Variants in ADCY9 observed in about 807,000 individuals in gnomAD.
ADCY9 encodes adenylate cyclase type 9.
A neutral mutation model predicts 101.5 loss-of-function variants in ADCY9; 50 were observed. The ratio of observed to expected loss-of-function variants is 0.49; its 90% CI spans 0.39 to 0.62. ADCY9 has a LOEUF of 0.62. ADCY9 is among the 20% of genes least tolerant of loss of function. The pLI is 0.00. For synonymous variants in ADCY9, 905 were observed against 769.3 expected, an observed-to-expected ratio of 1.18 and a Z score of -2.92; for missense variants, 1,662 against 1,800.4, an observed-to-expected ratio of 0.92 and a Z score of 1.39.
chr16:3,989,291 A>C (rs970007711), intron 5 of ADCY9, among the ~76,000 whole-genome samples, 195 bp from the exon 6 acceptor site: 4 of 152,180 alleles, frequency 2.6e-5, no homozygotes, highest in African/African-American at 9.6e-5. Flanking sequence ...CGCACCTCAA[A>C]GCATAATCAT....
chr16:3,959,539 A>C (rs1473924185), downstream of ADCY9, among the ~76,000 whole-genome samples: 6 of 152,178 alleles, frequency 3.9e-5, no homozygotes, highest in African/African-American at 1.4e-4. Context: ...GTAAATTAAA[A>C]AACCTAAGTA....
At chr16:4,102,578 A>AC (rs1197086819) in intron 2 of ADCY9, among the ~76,000 whole-genome samples, 1 of 152,138 alleles carries the variant, frequency 6.6e-6, no homozygotes, top group Admixed American at 6.6e-5. Flanking sequence ...GGCATGTGCC[A>AC]CCATGCCTGG....
intron 2 of ADCY9, among the ~76,000 whole-genome samples, chr16:4,107,352 A>T (rs1361316168): frequency 6.6e-6 from 1 of 151,986 alleles, no homozygotes; most frequent in Non-Finnish European, 1.5e-5. Flanking sequence ...GGAGTTCAAG[A>T]CCGGCCTGGC....
At chr16:4,055,851 C>A (rs957106804) in intron 2 of ADCY9, among the ~76,000 whole-genome samples, 3 of 151,974 alleles carry the variant, frequency 2.0e-5, no homozygotes, top group African/African-American at 7.2e-5. Context: ...AAAAAAGATA[C>A]CTTTTGGGAA....
rs535472005 is a variant in ADCY9, at chr16:4,100,130, T to C, written c.1693+13620A>G. Among the ~76,000 whole-genome samples, 5 of 152,130 alleles carry C rather than the reference T, an allele frequency of 3.3e-5. No individual in the cohort carries two copies. The East Asian group carries it at 7.7e-4, about 24-fold the overall frequency. ...AGAGTGAGGGAGTTCTCACGAGACC[T>C]GATGGTTTAAAAGTGGCAGTTCCCC... On this transcript the variant is annotated intron_variant, in intron 2 of 10. Transcript: ENST00000294016.
At chr16:4,048,073 C>G (rs9936342) in intron 2 of ADCY9, among the ~76,000 whole-genome samples, 20,190 of 142,092 alleles carry the variant, frequency 0.14, 1,727 homozygotes, top group African/African-American at 0.25. Flanking sequence ...AAAACAGGTC[C>G]TAGTCTGGGA....
downstream of ADCY9, among the ~76,000 whole-genome samples, chr16:3,961,307 G>GGCAT (rs1297362544): frequency 6.6e-6 from 1 of 151,968 alleles, no homozygotes; most frequent in African/African-American, 2.4e-5. Context: ...AAATTAGCTG[G>GGCAT]GCATGGTGTT....
At chr16:4,093,901 G>A (rs1300482261) in intron 2 of ADCY9, among the ~76,000 whole-genome samples, 1 of 152,204 alleles carries the variant, frequency 6.6e-6, no homozygotes, top group African/African-American at 2.4e-5. Context: ...AAGCCTTAGT[G>A]CGAACTGGAA....
intron 2 of ADCY9, among the ~76,000 whole-genome samples, chr16:4,057,038 G>GCCCCCCCCCCCCCCC (rs375745334): frequency 1.2e-5 from 1 of 83,514 alleles, no homozygotes; most frequent in East Asian, 4.2e-4. Context: ...TGATGAAACC[G>GCCCCCCCCCCCCCCC]CCCCCCCCCC....
At chr16:4,019,356 G>C (rs1381918598) in intron 2 of ADCY9, among the ~76,000 whole-genome samples, 1 of 152,084 alleles carries the variant, frequency 6.6e-6, no homozygotes, top group African/African-American at 2.4e-5. Context: ...CTGCCACCCA[G>C]GGATGTCCCA....
intron 6 of ADCY9, among the ~76,000 whole-genome samples, chr16:3,987,926 T>C (rs1438459995): frequency 1.3e-5 from 2 of 152,108 alleles, no homozygotes; most frequent in African/African-American, 4.8e-5. Flanking sequence ...GGTTCTTGTA[T>C]TATTCCTTCC....
intron 2 of ADCY9, among the ~76,000 whole-genome samples, chr16:4,014,787 C>CTT (rs1208646227): frequency 6.6e-6 from 1 of 150,676 alleles, no homozygotes; most frequent in Non-Finnish European, 1.5e-5. Context: ...CATTCTCTCT[C>CTT]TCTCTCCCTC....
chr16:4,111,439 C>T (rs2057113366), intron 2 of ADCY9, among the ~76,000 whole-genome samples: 1 of 152,174 alleles, frequency 6.6e-6, no homozygotes, highest in South Asian at 2.1e-4. Flanking sequence ...GAGAAAACAT[C>T]TGCCACCAGC....
chr16:4,070,022 C>T lies in ADCY9; in HGVS notation c.1693+43728G>A, dbSNP rs567019796. 1.1e-4 allele frequency among the ~76,000 whole-genome samples: 16 copies of T among 152,232 alleles called. No homozygotes were observed. In the Middle Eastern group the frequency reaches 0.017, roughly 162 times the overall value. On this transcript the variant is annotated intron_variant, in intron 2 of 10. Transcript: ENST00000294016. Reference sequence around the variant, plus strand: ...GTGAGGCACAAGAATTGCTTGAACCCGGGAGGCAAAGGTTGCAGTGAGTTA... The same window carrying T: ...GTGAGGCACAAGAATTGCTTGAACCTGGGAGGCAAAGGTTGCAGTGAGTTA...
intron 7 of ADCY9, among the ~76,000 whole-genome samples, chr16:3,981,261 C>T (rs1022371840): frequency 1.3e-5 from 2 of 152,210 alleles, no homozygotes; most frequent in Admixed American, 6.5e-5. Context: ...GCAGTCTACA[C>T]CGGGGTTGCC....
At chr16:4,065,786 C>T (rs1254835029) in intron 2 of ADCY9, among the ~76,000 whole-genome samples, 1 of 152,224 alleles carries the variant, frequency 6.6e-6, no homozygotes, top group Non-Finnish European at 1.5e-5. Flanking sequence ...CCAGGCTGAT[C>T]TCGAACTCCT....
At position 4,041,755 on chromosome 16, in the gene ADCY9, G is replaced by GT. The variant is rs35300888; in HGVS notation, c.1694-34198dup. Among the ~76,000 whole-genome samples, 742 of 135,908 alleles carry GT rather than the reference G, an allele frequency of 5.5e-3. 7 individuals are homozygous for GT. Among genetic ancestry groups the GT allele is most frequent in the African/African-American group, 0.012 (431 of 37,298 alleles). The allele number at this position is 135,908 out of a possible 152,430, so 89.2% of individuals were successfully genotyped here. A position where few individuals can be genotyped will look rare whatever the true frequency, so the allele number is the denominator to read the frequency against. On this transcript the variant is annotated intron_variant, in intron 2 of 10. Coordinates refer to ENST00000294016, the MANE Select transcript of ADCY9 (RefSeq NM_001116.4). ...TGTTTTTATTTATCTGATTTTTTTTGTTTTTTTTTTTTTTGAGACAAGGTT... is the reference window on the plus strand; with the variant it reads ...TGTTTTTATTTATCTGATTTTTTTTGTTTTTTTTTTTTTTTGAGACAAGGTT...
intron 2 of ADCY9, among the ~76,000 whole-genome samples, chr16:4,076,583 A>G (rs1337366494): frequency 2.0e-5 from 3 of 152,214 alleles, no homozygotes; most frequent in Admixed American, 1.3e-4. Flanking sequence ...GAGGCTGGGG[A>G]TTTGAAAAGA....
At chr16:3,979,319 T>TG in intron 7 of ADCY9, 44 bp from the exon 8 acceptor site, 1 of 1,605,434 alleles carries the variant, frequency 6.2e-7, no homozygotes, top group Non-Finnish European at 8.5e-7. Context: ...GGGCCCGGGG[T>TG]GGGTCATCGG....
Sources: allele counts gnomAD v4.1 joint callset (sites outside exome capture counted in the v4.1 genomes callset), GRCh38; gene constraint gnomAD v4.1.1; transcripts MANE v1.5; gene names NCBI Gene and HGNC (gene_info 2026-07-23, HGNC 2026-07-21).